Variants in KCND2 observed in about 807,000 individuals in gnomAD.
The protein encoded by KCND2 is A-type voltage-gated potassium channel KCND2.
A neutral mutation model predicts 54.4 loss-of-function variants in KCND2; 16 were observed. That is an observed-to-expected ratio of 0.29 (90% confidence interval 0.20 to 0.45). KCND2 has a LOEUF of 0.45. Among genes scored for constraint, KCND2 ranks in the 20% least tolerant of loss-of-function variants. The probability of loss-of-function intolerance (pLI) is 1.00; values close to 1 mark genes in which losing one functional copy is unlikely to be tolerated. For missense variants in KCND2, 486 were observed against 824.2 expected (o/e 0.59, Z 5.02); for synonymous variants, 317 against 310.7 (o/e 1.02, Z -0.21).
chr7:120,528,125 ACT>A (rs1186949876), intron 1 of KCND2, among the ~76,000 whole-genome samples: 4 of 152,102 alleles, frequency 2.6e-5, no homozygotes, highest in African/African-American at 9.7e-5. Context: ...TTGTCCCAAT[ACT>A]CTCAGGCCCA....
At chr7:120,361,991 G>A (rs1455989833) in intron 1 of KCND2, among the ~76,000 whole-genome samples, 1 of 151,962 alleles carries the variant, frequency 6.6e-6, no homozygotes, top group African/African-American at 2.4e-5. Flanking sequence ...AGAAGATACA[G>A]AAAGAAAGCT....
intron 1 of KCND2, among the ~76,000 whole-genome samples, chr7:120,565,735 A>G (rs1562874726): frequency 6.6e-6 from 1 of 152,224 alleles, no homozygotes; most frequent in Admixed American, 6.5e-5. Flanking sequence ...TCTTTGAAAG[A>G]TAGAAGATAT....
At chr7:120,413,266 G>T (rs1183607430) in intron 1 of KCND2, among the ~76,000 whole-genome samples, 1 of 151,974 alleles carries the variant, frequency 6.6e-6, no homozygotes, top group African/African-American at 2.4e-5. Context: ...TGAAGAATTA[G>T]TGAAGACTAT....
intron 1 of KCND2, among the ~76,000 whole-genome samples, chr7:120,437,432 C>T (rs1346570797): frequency 6.6e-6 from 1 of 152,022 alleles, no homozygotes; most frequent in Non-Finnish European, 1.5e-5. Context: ...AAACTCCTGG[C>T]CTCAGGTGAT....
intron 1 of KCND2, among the ~76,000 whole-genome samples, chr7:120,474,605 C>T (rs571811406): frequency 6.6e-6 from 1 of 151,432 alleles, no homozygotes; most frequent in Admixed American, 6.6e-5. Context: ...CTCAGGTTAT[C>T]CACCTGCCTC....
intron 1 of KCND2, among the ~76,000 whole-genome samples, chr7:120,295,338 T>A (rs1799493178): frequency 6.9e-6 from 1 of 145,874 alleles, no homozygotes; most frequent in South Asian, 2.2e-4. Flanking sequence ...AAAAAATATG[T>A]CATAGAGTAA....
intron 1 of KCND2, among the ~76,000 whole-genome samples, chr7:120,416,979 G>A (rs974546019): frequency 2.0e-5 from 3 of 152,120 alleles, no homozygotes; most frequent in African/African-American, 7.2e-5. Context: ...CCAGGTAGCT[G>A]GGACTACAGG....
intron 1 of KCND2, among the ~76,000 whole-genome samples, chr7:120,342,333 C>T (rs1800252381): frequency 6.6e-6 from 1 of 152,124 alleles, no homozygotes; most frequent in African/African-American, 2.4e-5. Flanking sequence ...ATAGAATAAG[C>T]ATTTGGTGAA....
intron 1 of KCND2, among the ~76,000 whole-genome samples, chr7:120,540,795 G>T (rs1010224515): frequency 6.6e-6 from 1 of 151,780 alleles, no homozygotes; most frequent in African/African-American, 2.4e-5. Flanking sequence ...TGGTTTCTTT[G>T]AATAGGATTC....
intron 1 of KCND2, among the ~76,000 whole-genome samples, chr7:120,463,049 G>A (rs537818316): frequency 6.6e-6 from 1 of 152,134 alleles, no homozygotes; most frequent in South Asian, 2.1e-4. Context: ...TATAACATAA[G>A]CTTATTCATT....
At chr7:120,457,875 A>G (rs932873935) in intron 1 of KCND2, among the ~76,000 whole-genome samples, 2 of 152,292 alleles carry the variant, frequency 1.3e-5, no homozygotes, top group African/African-American at 4.8e-5. Context: ...CAAAGACATG[A>G]CCAAGACTGG....
intron 1 of KCND2, among the ~76,000 whole-genome samples, chr7:120,426,190 A>T (rs573894744): frequency 3.0e-4 from 46 of 152,250 alleles, no homozygotes; most frequent in Non-Finnish European, 6.3e-4. Context: ...AATTAAGCTG[A>T]ATTCCTTAAA....
chr7:120,597,607 G>T (rs2116467856), intron 1 of KCND2, among the ~76,000 whole-genome samples: 1 of 152,174 alleles, frequency 6.6e-6, no homozygotes, highest in East Asian at 1.9e-4. Context: ...ACATACTTGG[G>T]CATGCAGAAC....
chr7:120,375,534 A>G (rs1277632689), intron 1 of KCND2, among the ~76,000 whole-genome samples: 4 of 151,886 alleles, frequency 2.6e-5, no homozygotes, highest in African/African-American at 7.2e-5. Context: ...GCATGAGTTT[A>G]TATCAAGGCT....
intron 1 of KCND2, among the ~76,000 whole-genome samples, chr7:120,568,872 C>G (rs1011432960): frequency 6.6e-6 from 1 of 152,054 alleles, no homozygotes; most frequent in African/African-American, 2.4e-5. Flanking sequence ...TTGATTATTT[C>G]ATAAGGGCAG....
intron 1 of KCND2, among the ~76,000 whole-genome samples, chr7:120,385,793 A>G (rs1468220725): frequency 6.6e-6 from 1 of 152,124 alleles, no homozygotes; most frequent in East Asian, 1.9e-4. Flanking sequence ...TCTGCCATAT[A>G]CCGGTATTTT....
At chr7:120,554,671 G>A (rs1792141479) in intron 1 of KCND2, among the ~76,000 whole-genome samples, 1 of 152,142 alleles carries the variant, frequency 6.6e-6, no homozygotes, top group African/African-American at 2.4e-5. Flanking sequence ...GCCTCCCAAA[G>A]TGCTGGGATT....
At chr7:120,338,712 A>G (rs1800188889) in intron 1 of KCND2, among the ~76,000 whole-genome samples, 1 of 152,110 alleles carries the variant, frequency 6.6e-6, no homozygotes, top group African/African-American at 2.4e-5. Flanking sequence ...ATGTTTTTAA[A>G]TTTATTTTAG....
At chr7:120,437,595 A>C (rs1200179878) in intron 1 of KCND2, among the ~76,000 whole-genome samples, 1 of 152,212 alleles carries the variant, frequency 6.6e-6, no homozygotes, top group East Asian at 1.9e-4. Context: ...TTGATAATAT[A>C]ATGATAAACC....
Sources: allele counts gnomAD v4.1 joint callset (sites outside exome capture counted in the v4.1 genomes callset), GRCh38; gene constraint gnomAD v4.1.1; transcripts MANE v1.5; gene names NCBI Gene and HGNC (gene_info 2026-07-23, HGNC 2026-07-21).